Variants in DHRS3 observed in about 807,000 individuals in gnomAD.
DHRS3 encodes the protein short-chain dehydrogenase/reductase 3.
In DHRS3, 14 loss-of-function variants were observed where a neutral mutation model predicts 27.2. The observed-to-expected ratio is 0.52, with a 90% CI of 0.34 to 0.81. DHRS3 has a LOEUF of 0.81. Ranked by LOEUF, DHRS3 falls within the 30% of genes least tolerant of loss-of-function variation. The probability of loss-of-function intolerance (pLI) is 0.01; values close to 1 mark genes in which losing one functional copy is unlikely to be tolerated. For synonymous variants in DHRS3, 165 were observed against 175.9 expected, an observed-to-expected ratio of 0.94 and a Z score of 0.49; for missense variants, 322 against 406.2, an observed-to-expected ratio of 0.79 and a Z score of 1.78.
chr1:12,614,059 C>T (rs1007775657), intron 1 of DHRS3, among the ~76,000 whole-genome samples: 4 of 152,196 alleles, frequency 2.6e-5, no homozygotes, highest in African/African-American at 9.6e-5. Context: ...GCATGAGCCA[C>T]TGCTCCCAGC....
chr1:12,616,780 C>A, intron 1 of DHRS3: 1 of 1,085,126 alleles, frequency 9.2e-7, no homozygotes, highest in Non-Finnish European at 1.1e-6. Flanking sequence ...CCCAGGAGTG[C>A]GCACACCCTG....
At position 12,586,049 on chromosome 1, in the gene DHRS3, T is replaced by G. The variant is rs7539270; in HGVS notation, c.196-5383A>C. 1.6e-3 allele frequency among the ~76,000 whole-genome samples: 248 copies of G among 151,940 alleles called. 1 individual carries two copies. Among genetic ancestry groups the G allele is most frequent in the African/African-American group, 5.7e-3 (236 of 41,438 alleles). On this transcript the variant is annotated intron_variant, in intron 1 of 5. Coordinates refer to ENST00000616661, the MANE Select transcript of DHRS3 (RefSeq NM_004753.7). This position sits in a 1 kb window ranked among gnomAD's most constrained non-coding sequence, Gnocchi z 5.0. ...ATCTGGGGCAAATGGTGAGCTTCTG[T>G]CCCCTTCTCTCTCCCAGTGACTGGT...
chr1:12,617,478 G>T lies in DHRS3; in HGVS notation c.-130C>A. On this transcript the variant is annotated 5_prime_UTR_variant, in exon 1 of 6. Transcript: ENST00000616661. The stretch of plus-strand genomic sequence containing the variant: ...AGAGGCGTCCCACCTGGCCACTCTT[G>T]AAATCACCTCTTCCCAAATGCAAAG... The T allele has an allele frequency of 3.2e-5, 14 of 432,386 alleles. No individual in the cohort carries two copies. Among genetic ancestry groups the T allele is most frequent in the East Asian group, 6.0e-5 (1 of 16,572 alleles). 26.8% of individuals were successfully genotyped at this position (432,386 alleles called of 1,614,324 possible). A position where few individuals can be genotyped will look rare whatever the true frequency, so the allele number is the denominator to read the frequency against.
intron 4 of DHRS3, 44 bp from the exon 5 acceptor site, chr1:12,572,897 T>A: frequency 6.5e-7 from 1 of 1,528,390 alleles, no homozygotes; most frequent in Non-Finnish European, 8.8e-7. Context: ...TGGAGAGGCA[T>A]GTGCTTATCT....
At chr1:12,601,687 C>T (rs767154510) in intron 1 of DHRS3, among the ~76,000 whole-genome samples, 3 of 152,276 alleles carry the variant, frequency 2.0e-5, no homozygotes, top group South Asian at 2.1e-4. Flanking sequence ...CCATCTCTTC[C>T]GTGAAACTAT....
At chr1:12,589,391 C>CTTTTT (rs70987258) in intron 1 of DHRS3, among the ~76,000 whole-genome samples, 2 of 136,418 alleles carry the variant, frequency 1.5e-5, no homozygotes, top group Non-Finnish European at 1.6e-5. Flanking sequence ...TTTTCTTTTT[C>CTTTTT]TTTTTTTTTT....
intron 1 of DHRS3, among the ~76,000 whole-genome samples, 153 bp downstream of exon 1, chr1:12,617,001 G>A (rs1041453473): frequency 2.0e-5 from 3 of 152,236 alleles, no homozygotes; most frequent in Non-Finnish European, 4.4e-5. Context: ...AATTTACAAG[G>A]TGAAACCGAC....
intron 1 of DHRS3, among the ~76,000 whole-genome samples, chr1:12,601,062 G>A (rs1445259860): frequency 1.3e-5 from 2 of 152,110 alleles, no homozygotes; most frequent in African/African-American, 4.8e-5. Context: ...AGGGCTGCCT[G>A]ATACAGGCAG....
At position 12,591,372 on chromosome 1, in the gene DHRS3, G is replaced by A. The variant is rs548369749; in HGVS notation, c.196-10706C>T. Among the ~76,000 whole-genome samples, 35 of 152,336 alleles carry A rather than the reference G, an allele frequency of 2.3e-4. No homozygotes were observed. In the South Asian group the frequency reaches 6.8e-3, roughly 30 times the overall value. On this transcript the variant is annotated intron_variant, in intron 1 of 5. Coordinates refer to ENST00000616661, the MANE Select transcript of DHRS3 (RefSeq NM_004753.7). The surrounding 1 kb of genome is among the most constrained non-coding windows in gnomAD (Gnocchi z 4.1). ...CAAAACAGGCTTTCCCTGGCTCCAGGCCCCTGTTTTGGCCTGCCGAGAATG... is the reference window on the plus strand; with the variant it reads ...CAAAACAGGCTTTCCCTGGCTCCAGACCCCTGTTTTGGCCTGCCGAGAATG...
At chr1:12,597,642 G>A (rs909938848) in intron 1 of DHRS3, among the ~76,000 whole-genome samples, 1 of 152,200 alleles carries the variant, frequency 6.6e-6, no homozygotes, top group African/African-American at 2.4e-5. Flanking sequence ...TCCAGGCCTG[G>A]CTTGGTAATT....
chr1:12,613,310 C>T (rs945311820), intron 1 of DHRS3, among the ~76,000 whole-genome samples: 3 of 152,170 alleles, frequency 2.0e-5, no homozygotes, highest in Non-Finnish European at 4.4e-5. Context: ...TGTAGTAAGC[C>T]GTCAAGTTTG....
chr1:12,580,213 A>G (rs751522022), intron 2 of DHRS3: 56 of 420,962 alleles, frequency 1.3e-4, no homozygotes, highest in Non-Finnish European at 2.1e-4. Flanking sequence ...TTTAGCCCAA[A>G]CAGATGACTG....
chr1:12,605,641 T>G (rs528061918), intron 1 of DHRS3, among the ~76,000 whole-genome samples: 3 of 152,256 alleles, frequency 2.0e-5, no homozygotes, highest in Non-Finnish European at 4.4e-5. Flanking sequence ...ATAACTAACT[T>G]GTTATAACAT....
intron 1 of DHRS3, among the ~76,000 whole-genome samples, chr1:12,585,220 T>TGTCTCTGTGA (rs1218646407): frequency 0.25 from 6,111 of 24,590 alleles, 543 homozygotes; most frequent in African/African-American, 0.42. Context: ...TATCTCTGTG[T>TGTCTCTGTGA]GTGTGTGTCT....
At position 12,617,924 on chromosome 1, in the gene DHRS3, G is replaced by C. The variant is rs1318028726; in HGVS notation, c.-576C>G. Among the ~76,000 whole-genome samples, 1 of 125,596 alleles carries C rather than the reference G, an allele frequency of 8.0e-6. No homozygotes were observed. Among genetic ancestry groups the C allele is most frequent in the Non-Finnish European group, 1.6e-5 (1 of 63,604 alleles). 82.4% of individuals were successfully genotyped at this position (125,596 alleles called of 152,430 possible). ...GAGCTCCCAATTTCAGCCCGCGAAA[G>C]TCTCCCGACTCATTGCTATTCTTGG... On this transcript the variant is annotated 5_prime_UTR_variant, in exon 1 of 6. Transcript: ENST00000616661.
At chr1:12,607,839 TTGTGTATATGTGTG>T (rs1414522519) in intron 1 of DHRS3, among the ~76,000 whole-genome samples, 75 of 139,522 alleles carry the variant, frequency 5.4e-4, no homozygotes, top group African/African-American at 1.8e-3. Flanking sequence ...ATATATATAT[TTGTGTATATGTGTG>T]TGTGTGTATG....
intron 1 of DHRS3, chr1:12,616,561 C>G (rs1175667840): frequency 2.0e-6 from 2 of 986,072 alleles, no homozygotes; most frequent in African/African-American, 3.5e-5. Context: ...GCTGCTTACC[C>G]TGGCCTCCTC....
At position 12,608,819 on chromosome 1, in the gene DHRS3, C is replaced by T. The variant is rs1646888305; in HGVS notation, c.195+8335G>A. ...GCCTCCAGAACCATCTAGAACAGGT[C>T]CCATGCCTCTGTGGTACTGGAATGC... On this transcript the variant is annotated intron_variant, in intron 1 of 5. Transcript: ENST00000616661. The surrounding 1 kb of genome is among the most constrained non-coding windows in gnomAD (Gnocchi z 4.1). Among the ~76,000 whole-genome samples the T allele has an allele frequency of 6.6e-6, 1 of 152,192 alleles. No homozygotes were observed. Among genetic ancestry groups the T allele is most frequent in the African/African-American group, 2.4e-5 (1 of 41,448 alleles).
At chr1:12,579,215 G>GC (rs751628402) in intron 3 of DHRS3, 78 bp downstream of exon 3, 1 of 1,609,498 alleles carries the variant, frequency 6.2e-7, no homozygotes, top group Non-Finnish European at 8.5e-7. Context: ...CCAAGCCCTG[G>GC]CAAATCATCC....
Sources: gnomAD v4.1 joint callset for allele counts (sites outside exome capture counted in the v4.1 genomes callset) on GRCh38, gnomAD v4.1.1 for gene constraint, Gnocchi (gnomAD v3.1) non-coding constraint, MANE v1.5 for transcripts, NCBI Gene and HGNC (gene_info 2026-07-23, HGNC 2026-07-21) for gene names.